The following ARPC2 variants were observed in gnomAD, a reference collection of about 807,000 sequenced individuals.
ARPC2 encodes the protein actin-related protein 2/3 complex subunit 2.
ARPC2 carries 4 observed loss-of-function variants against 38.6 expected under a neutral mutation model. That is an observed-to-expected ratio of 0.10 (90% CI 0.05 to 0.24). The LOEUF (loss-of-function observed/expected upper bound fraction) is 0.24, where lower values mean the gene tolerates loss of function less well. ARPC2 is among the 10% of genes least tolerant of loss of function. The pLI is 1.00. For synonymous variants in ARPC2, 125 were observed against 140.8 expected, an observed-to-expected ratio of 0.89 and a Z score of 0.79; for missense variants, 229 against 387.3, an observed-to-expected ratio of 0.59 and a Z score of 3.43.
Position 218,249,460 on chromosome 2 carries a change from C to G in ARPC2, c.773C>G (p.Ser258Cys). 1 of 1,601,902 alleles carries G rather than the reference C, an allele frequency of 6.2e-7. No individual in the cohort carries two copies. The highest frequency in any genetic ancestry group is 8.5e-7 in the Non-Finnish European group (1 of 1,171,852). Residue 258 changes from serine (S) to cysteine (C), a missense_variant, in exon 9 of 11, where the codon TCT becomes TGT. Around this residue, in one of 3 missense-constraint regions of ARPC2, gnomAD observed 92 missense variants for 152.3 expected, o/e 0.60. Coordinates refer to ENST00000315717, the MANE Select transcript of ARPC2 (RefSeq NM_152862.3). ...TACCTGCACTACCACATCAAGTGCT[C>G]TAAGGTGAGGGGGGTGCCAGCATCT... ...RDYLHYHIKCSKAYIHTRMRA... is the reference protein window; with the variant it reads ...RDYLHYHIKCCKAYIHTRMRA...
intron 2 of ARPC2, among the ~76,000 whole-genome samples, chr2:218,224,851 A>T (rs1284568219): frequency 6.6e-6 from 1 of 152,220 alleles, no homozygotes; most frequent in Non-Finnish European, 1.5e-5. Flanking sequence ...CATGTTATAT[A>T]TTCCATTATT....
intron 10 of ARPC2, among the ~76,000 whole-genome samples, 171 bp downstream of exon 10, chr2:218,250,092 G>T (rs941577374): frequency 1.3e-5 from 2 of 152,124 alleles, no homozygotes; most frequent in Non-Finnish European, 2.9e-5. Flanking sequence ...CTGCCATATA[G>T]GCCAGGATGG....
intron 7 of ARPC2, among the ~76,000 whole-genome samples, chr2:218,239,866 C>G (rs185913889): frequency 2.4e-4 from 36 of 152,244 alleles, no homozygotes; most frequent in Middle Eastern, 3.4e-3. Context: ...GCTGGTATTA[C>G]AGGCATGAGC....
At chr2:218,217,423 C>G in intron 1 of ARPC2, 40 bp from the exon 2 acceptor site, 1 of 1,601,568 alleles carries the variant, frequency 6.2e-7, no homozygotes. Context: ...CTCCCTTACC[C>G]ACCCTCACCG....
rs201998304 is a variant in ARPC2 at position 218,254,041 on chromosome 2, G to A, written c.*126G>A. 1.3e-5 allele frequency: 16 copies of A among 1,261,014 alleles called. No homozygotes were observed. In the African/African-American group the frequency reaches 2.3e-4, roughly 18 times the overall value. The allele number at this position is 1,261,014 out of a possible 1,614,324, so 78.1% of individuals were successfully genotyped here. On this transcript the variant is annotated 3_prime_UTR_variant, in exon 11 of 11. Coordinates refer to ENST00000315717, the MANE Select transcript of ARPC2 (RefSeq NM_152862.3). ...GGATTCTCCGTTTTGGTTCCATTTT[G>A]TACACGTTTGGAAAATAATCTGCAG...
Position 218,228,770 on chromosome 2 carries a change from C to A in ARPC2, c.142C>A (p.Pro48Thr), listed in dbSNP as rs1689566346. Residue 48 changes from proline (P) to threonine (T), a missense_variant, in exon 4 of 11, where the codon CCT (proline) becomes ACT (threonine). Pro to Thr is a conservative substitution (Grantham distance 38). Transcript: ENST00000315717. ...TGGGGTCCTCTATCATATTTCAAAT[C>A]CTAATGGAGACAAAACAAAAGTGAT... Reference protein sequence around the residue: ...FDGVLYHISNPNGDKTKVMVS... With the variant: ...FDGVLYHISNTNGDKTKVMVS... 6.2e-7 allele frequency: 1 copy of A among 1,608,286 alleles called. No homozygotes were observed. Among genetic ancestry groups the A allele is most frequent in the Non-Finnish European group, 8.5e-7 (1 of 1,175,002 alleles).
intron 2 of ARPC2, among the ~76,000 whole-genome samples, chr2:218,223,598 T>C (rs1574575726): frequency 1.3e-5 from 2 of 152,222 alleles, no homozygotes; most frequent in South Asian, 2.1e-4. Context: ...GCTGGACATA[T>C]ATCATCTCAG....
At chr2:218,222,573 T>C (rs1347922613) in intron 2 of ARPC2, among the ~76,000 whole-genome samples, 2 of 152,208 alleles carry the variant, frequency 1.3e-5, no homozygotes, top group African/African-American at 4.8e-5. Context: ...ATTACAGCAG[T>C]CTGACACTTA....
At chr2:218,246,089 C>T (rs967375859) in intron 8 of ARPC2, among the ~76,000 whole-genome samples, 6 of 151,820 alleles carry the variant, frequency 4.0e-5, no homozygotes, top group Non-Finnish European at 7.4e-5. Context: ...TGGTGGCGCA[C>T]GTCTGTAGTC....
chr2:218,238,608 TTTTTA>T lies in ARPC2; in HGVS notation c.269-55_269-51del. ...TATGCTGCTTTTTTTTTTTTTTTTT[TTTTTA>T]AATGTAACTGCTGGGTTGTTTTTTG... On this transcript the variant is annotated intron_variant, in intron 5 of 10. Transcript: ENST00000315717. 2.2e-5 allele frequency: 21 copies of T among 952,168 alleles called. No individual in the cohort carries two copies. The South Asian group carries it at 2.8e-4, about 13-fold the overall frequency. The allele number at this position is 952,168 out of a possible 1,614,324, so 59.0% of individuals were successfully genotyped here. A position where few individuals can be genotyped will look rare whatever the true frequency, so the allele number is the denominator to read the frequency against.
chr2:218,217,332 G>A, intron 1 of ARPC2, 78 bp downstream of exon 1: 1 of 731,118 alleles, frequency 1.4e-6, no homozygotes, highest in Non-Finnish European at 2.4e-6. Context: ...CTCCACCCCG[G>A]CCCCTCTCCC....
chr2:218,239,366 T>TTAA, intron 6 of ARPC2, 25 bp from the exon 7 acceptor site: 1 of 1,535,632 alleles, frequency 6.5e-7, no homozygotes, highest in Non-Finnish European at 9.0e-7. Context: ...TCTGTACTTA[T>TTAA]CCTCATGGAT....
chr2:218,222,254 G>C (rs770145792), intron 2 of ARPC2, among the ~76,000 whole-genome samples: 2 of 151,980 alleles, frequency 1.3e-5, no homozygotes, highest in South Asian at 4.2e-4. Flanking sequence ...GTGACAGAGC[G>C]AGACCCCATC....
chr2:218,253,748 G>A lies in ARPC2; in HGVS notation c.879-143G>A. On this transcript the variant is annotated intron_variant, in intron 10 of 10. Coordinates refer to ENST00000315717, the MANE Select transcript of ARPC2 (RefSeq NM_152862.3). The stretch of plus-strand genomic sequence containing the variant: ...AGCCAGATTTTAGCCGATGTCCTGT[G>A]GTTCCAGTGCCTCTGCTTAAGGAAT... 4.9e-6 allele frequency: 5 copies of A among 1,010,188 alleles called. 1 individual carries two copies. Among genetic ancestry groups the A allele is most frequent in the Non-Finnish European group, 7.2e-6 (5 of 698,530 alleles). 62.6% of individuals were successfully genotyped at this position (1,010,188 alleles called of 1,614,324 possible).
chr2:218,222,209 G>A (rs946784409), intron 2 of ARPC2, among the ~76,000 whole-genome samples: 1 of 152,172 alleles, frequency 6.6e-6, no homozygotes, highest in Admixed American at 6.5e-5. Context: ...GGAGGTTGCA[G>A]TGAGCAGAGG....
At chr2:218,217,344 T>A in intron 1 of ARPC2, 90 bp downstream of exon 1, 59 of 606,292 alleles carry the variant, frequency 9.7e-5, no homozygotes, top group East Asian at 1.4e-4. Context: ...CCCTCTCCCC[T>A]TCTCCCCTAA....
At chr2:218,238,938 T>C in intron 6 of ARPC2, 88 bp downstream of exon 6, 1 of 1,080,122 alleles carries the variant, frequency 9.3e-7, no homozygotes, top group East Asian at 2.5e-5. Flanking sequence ...GGTCAAACTT[T>C]CAGCTGTATT....
At chr2:218,237,059 C>T (rs1480202781) in intron 5 of ARPC2, among the ~76,000 whole-genome samples, 2 of 152,140 alleles carry the variant, frequency 1.3e-5, no homozygotes, top group African/African-American at 4.8e-5. Context: ...TGTAAAAAGG[C>T]AGGTCATCCA....
At chr2:218,232,189 C>T (rs1036034434) in intron 4 of ARPC2, among the ~76,000 whole-genome samples, 6 of 151,908 alleles carry the variant, frequency 3.9e-5, no homozygotes, top group Non-Finnish European at 7.4e-5. Context: ...TGCAATGAGC[C>T]GAGATCACGC....
Sources: gnomAD v4.1 joint callset for allele counts (sites outside exome capture counted in the v4.1 genomes callset) on GRCh38, gnomAD v4.1.1 for gene constraint, gnomAD v4.1.1 regional missense constraint, MANE v1.5 for transcripts, NCBI Gene and HGNC (gene_info 2026-07-23, HGNC 2026-07-21) for gene names.